The following FAM83F variants were observed in gnomAD, a reference collection of about 807,000 sequenced individuals.
FAM83F encodes the protein scaffolding CK1 anchoring protein F, also known as protein FAM83F.
Under a neutral mutation model 42.9 loss-of-function variants are expected in FAM83F, and 45 were observed. The observed-to-expected ratio is 1.05, with a 90% confidence interval of 0.83 to 1.35. The LOEUF (loss-of-function observed/expected upper bound fraction) is 1.35. FAM83F is among the 40% of genes most tolerant of loss of function. The pLI is 0.00. For missense variants in FAM83F, 617 were observed against 695.9 expected, an observed-to-expected ratio of 0.89 and a Z score of 1.28; for synonymous variants, 306 against 298.3, an observed-to-expected ratio of 1.03 and a Z score of -0.27.
At position 40,020,023 on chromosome 22, in the gene FAM83F, A is replaced by T. The variant is rs543070940; in HGVS notation, c.779+15A>T. On this transcript the variant is annotated intron_variant, in intron 3 of 4. Transcript: ENST00000333407. Reference sequence around the variant, plus strand: ...GGATCTTACAGGTGAGTTGGGCCGGATCAAAGAAGGGCCCAGGAGGCCTTG... The same window carrying T: ...GGATCTTACAGGTGAGTTGGGCCGGTTCAAAGAAGGGCCCAGGAGGCCTTG... 1.6e-5 allele frequency: 25 copies of T among 1,606,472 alleles called. No homozygotes were observed. In the South Asian group the frequency reaches 2.8e-4, roughly 18 times the overall value.
In FAM83F at chr22:40,029,562, C is replaced by T. The variant is rs751351351; in HGVS notation, c.1500C>T (p.Ser500=). ...CCAAGCCTAGCAACTGTGTGATTTC[C>T]TGAGCTGCGGGATGGTGGTGGGCAG... ...SSAKPSNCVI[S] The change falls in exon 5 of 5, where the codon TCC becomes TCT. Residue 500 remains serine (S), a synonymous_variant. Coordinates refer to ENST00000333407, the MANE Select transcript of FAM83F (RefSeq NM_138435.4). The T allele has an allele frequency of 6.2e-7, 1 of 1,612,050 alleles. No homozygotes were observed. The highest frequency in any genetic ancestry group is 1.1e-5 in the South Asian group (1 of 90,352).
chr22:40,007,713 TTCCTCCTGTCC>T (rs1176571077), intron 1 of FAM83F, among the ~76,000 whole-genome samples: 1 of 130,208 alleles, frequency 7.7e-6, no homozygotes, highest in Non-Finnish European at 1.7e-5. Flanking sequence ...CTCTCCTCTC[TTCCTCCTGTCC>T]TCCTCCTCTC....
intron 4 of FAM83F, among the ~76,000 whole-genome samples, chr22:40,024,595 A>G (rs1324681346): frequency 2.0e-5 from 3 of 152,214 alleles, no homozygotes; most frequent in East Asian, 1.9e-4. Context: ...CCCTGTACCC[A>G]GGACACATCC....
In FAM83F at chr22:40,034,551, G is replaced by T; in HGVS notation, c.*4986G>T. The T allele has an allele frequency of 6.6e-6, 1 of 152,390 alleles. No individual in the cohort carries two copies. Among genetic ancestry groups the T allele is most frequent in the Non-Finnish European group, 1.5e-5 (1 of 68,040 alleles). The allele number at this position is 152,390 out of a possible 1,614,324, so 9.4% of individuals were successfully genotyped here. ...TTCTAGATGCCATGTGCTGCTGCCTGGCACGATAGGTACCCATCTGTCCTT... is the reference window on the plus strand; with the variant it reads ...TTCTAGATGCCATGTGCTGCTGCCTTGCACGATAGGTACCCATCTGTCCTT... On this transcript the variant is annotated 3_prime_UTR_variant, in exon 5 of 5. Transcript: ENST00000333407.
Position 40,029,545 on chromosome 22 carries a change from A to G in FAM83F, c.1483A>G (p.Ser495Gly). Residue 495 changes from serine to glycine, a missense_variant, in exon 5 of 5, where the codon AGC becomes GGC. Ser to Gly is a moderately conservative substitution (Grantham distance 56). Transcript: ENST00000333407. Reference sequence around the variant, plus strand: ...AACAAGTCCCAGTTCTGCCAAGCCTAGCAACTGTGTGATTTCCTGAGCTGC... The same window carrying G: ...AACAAGTCCCAGTTCTGCCAAGCCTGGCAACTGTGTGATTTCCTGAGCTGC... ...GKTSPSSAKP[S>G]NCVIS 1 of 1,612,722 alleles carries G rather than the reference A, an allele frequency of 6.2e-7. No individual in the cohort carries two copies. The highest frequency in any genetic ancestry group is 8.5e-7 in the Non-Finnish European group (1 of 1,179,456).
At chr22:40,025,690 G>A (rs1424150709) in intron 4 of FAM83F, among the ~76,000 whole-genome samples, 2 of 152,216 alleles carry the variant, frequency 1.3e-5, no homozygotes, top group Admixed American at 6.5e-5. Flanking sequence ...GTGACAGAGC[G>A]AGACTCCATC....
chr22:40,003,967 C>G (rs1376257783), intron 1 of FAM83F, among the ~76,000 whole-genome samples: 1 of 152,118 alleles, frequency 6.6e-6, no homozygotes, highest in East Asian at 1.9e-4. Context: ...ACCCAGAACT[C>G]TCTACCTTTC....
intron 1 of FAM83F, among the ~76,000 whole-genome samples, chr22:40,010,375 A>C (rs544500514): frequency 6.6e-6 from 1 of 152,200 alleles, no homozygotes; most frequent in Non-Finnish European, 1.5e-5. Flanking sequence ...GGGCCCTCAG[A>C]GACCAAAGCG....
rs2067509946 is a variant in FAM83F, at chr22:40,019,867, C to T, written c.658-20C>T. On this transcript the variant is annotated intron_variant, in intron 2 of 4. Transcript: ENST00000333407. ...GGCTGGCCCAACCCAGGTGACAGGGCCTTCTGCTCTTCCCAACAGAACATC... is the reference window on the plus strand; with the variant it reads ...GGCTGGCCCAACCCAGGTGACAGGGTCTTCTGCTCTTCCCAACAGAACATC... 6.3e-7 allele frequency: 1 copy of T among 1,597,338 alleles called. No individual in the cohort carries two copies. The highest frequency in any genetic ancestry group is 1.8e-5 in the Admixed American group (1 of 57,092).
chr22:39,998,872 T>C (rs2067383684), intron 1 of FAM83F: 1 of 152,140 alleles, frequency 6.6e-6, no homozygotes, highest in Non-Finnish European at 1.5e-5. Context: ...CAGGGGAAGT[T>C]GCTGATGCAT....
chr22:40,001,552 TAGG>T (rs1283820625), intron 1 of FAM83F, among the ~76,000 whole-genome samples: 1 of 151,780 alleles, frequency 6.6e-6, no homozygotes, highest in East Asian at 1.9e-4. Context: ...GCTGGGTAGG[TAGG>T]AGGATTGCTT....
At chr22:40,024,031 T>TA (rs2067536731) in intron 4 of FAM83F, among the ~76,000 whole-genome samples, 1 of 152,112 alleles carries the variant, frequency 6.6e-6, no homozygotes, top group African/African-American at 2.4e-5. Context: ...TGTTTGTTTT[T>TA]AAGACAATGT....
rs1170873786 is a variant in FAM83F at position 40,023,263 on chromosome 22, G to C, written c.1453+1300G>C. ...TAGTAAGGCCAGGATTCAAGACCAG[G>C]CATGGGCACAGCCATGTTCTGTCAG... On this transcript the variant is annotated intron_variant, in intron 4 of 4. Coordinates refer to ENST00000333407, the MANE Select transcript of FAM83F (RefSeq NM_138435.4). The surrounding 1 kb of genome is among the most constrained non-coding windows in gnomAD (Gnocchi z 4.1). Among the ~76,000 whole-genome samples, 3 of 152,158 alleles carry C rather than the reference G, an allele frequency of 2.0e-5. No individual in the cohort carries two copies. In the East Asian group the frequency reaches 5.8e-4, roughly 29 times the overall value.
rs1033375440 is a variant in FAM83F, at chr22:40,030,777, T to A, written c.*1212T>A. The A allele has an allele frequency of 4.6e-5, 7 of 152,278 alleles. No individual in the cohort carries two copies. Among genetic ancestry groups the A allele is most frequent in the Non-Finnish European group, 1.0e-4 (7 of 68,108 alleles). The allele number at this position is 152,278 out of a possible 1,614,324, so 9.4% of individuals were successfully genotyped here. On this transcript the variant is annotated 3_prime_UTR_variant, in exon 5 of 5. Transcript: ENST00000333407. ...GCCCTGCCGGCAGGGCGATGGGGGA[T>A]CCAAGCCCTGTGGAAGAGCCATGCA...
intron 1 of FAM83F, among the ~76,000 whole-genome samples, chr22:40,000,925 C>G (rs1177540396): frequency 1.2e-4 from 19 of 152,350 alleles, no homozygotes; most frequent in African/African-American, 4.6e-4. Context: ...CTAATCGTTC[C>G]ACCCTTCTGC....
chr22:39,998,833 C>T (rs1365957822), intron 1 of FAM83F: 1 of 152,178 alleles, frequency 6.6e-6, no homozygotes, highest in South Asian at 2.1e-4. Flanking sequence ...AAATGATCTC[C>T]TGACCTATGC....
chr22:40,040,697 T>C lies in FAM83F; in HGVS notation c.*11132T>C, dbSNP rs2067647031. 6.6e-6 allele frequency: 1 copy of C among 152,222 alleles called. No homozygotes were observed. 9.4% of individuals were successfully genotyped at this position (152,222 alleles called of 1,614,324 possible). On this transcript the variant is annotated 3_prime_UTR_variant, in exon 5 of 5. Coordinates refer to ENST00000333407, the MANE Select transcript of FAM83F (RefSeq NM_138435.4). ...CTGTAATCAGCCCTCTTTAGAGAGT[T>C]TCCCTGCCTCATTGCTCTTGGTCTT...
intron 1 of FAM83F, among the ~76,000 whole-genome samples, chr22:39,999,479 C>T (rs1048777670): frequency 6.6e-6 from 1 of 152,234 alleles, no homozygotes; most frequent in African/African-American, 2.4e-5. Context: ...ACCATTGACC[C>T]AGCTAACCAG....
In FAM83F at chr22:39,995,402, C is replaced by T. The variant is rs1259889880; in HGVS notation, c.360C>T (p.Asp120=). The change falls in exon 1 of 5, where the codon GAC becomes GAT. Residue 120 remains aspartate, a synonymous_variant. Transcript: ENST00000333407. This position sits in a 1 kb window ranked among gnomAD's most constrained non-coding sequence, Gnocchi z 4.6. The part of the protein sequence containing the change: ...DRSDTEVPPL[D]LGWTDTGFYR... ...CCGACACCGAGGTGCCTCCTCTGGA[C>T]CTGGGCTGGACGGACACTGGTTTCT... is the stretch of plus-strand genomic sequence containing the variant. 2 of 1,549,114 alleles carry T rather than the reference C, an allele frequency of 1.3e-6. No individual in the cohort carries two copies. The highest frequency in any genetic ancestry group is 2.7e-5 in the African/African-American group (2 of 73,052).
Sources: allele counts gnomAD v4.1 joint callset (sites outside exome capture counted in the v4.1 genomes callset), GRCh38; gene constraint gnomAD v4.1.1; non-coding constraint Gnocchi (gnomAD v3.1); transcripts MANE v1.5; gene names NCBI Gene and HGNC (gene_info 2026-07-23, HGNC 2026-07-21).